The following HADHA variants were observed in gnomAD, a reference collection of about 807,000 sequenced individuals.
HADHA encodes trifunctional enzyme subunit alpha, mitochondrial.
Under a neutral mutation model 91.3 loss-of-function variants are expected in HADHA, and 59 were observed. The observed-to-expected ratio is 0.65, with a 90% CI of 0.52 to 0.80. The LOEUF is 0.80. Among genes scored for constraint, HADHA ranks in the 30% least tolerant of loss-of-function variants. The pLI is 0.00. For synonymous variants in HADHA, 320 were observed against 338.9 expected, an observed-to-expected ratio of 0.94 and a Z score of 0.61; for missense variants, 800 against 927.6, an observed-to-expected ratio of 0.86 and a Z score of 1.79.
At chr2:26,241,491 CA>C (rs912583528) in intron 1 of HADHA, among the ~76,000 whole-genome samples, 3 of 142,716 alleles carry the variant, frequency 2.1e-5, no homozygotes, top group African/African-American at 2.6e-5. Flanking sequence ...AAAAAAAAAA[CA>C]AAAAAAAAGT....
intron 15 of HADHA, 80 bp from the exon 16 acceptor site, chr2:26,194,718 TTCAAAG>T (rs1006739849): frequency 3.0e-5 from 27 of 902,594 alleles, no homozygotes; most frequent in Admixed American, 2.3e-4. Flanking sequence ...CCAGGGTCAC[TTCAAAG>T]TCATTTGAAA....
Position 26,201,226 on chromosome 2 carries a change from C to T in HADHA, c.1315G>A (p.Glu439Lys). The part of the protein sequence containing the change: ...LTGQLDYQGF[E>K]KADMVIEAVF... ...GCTTCAATCACCATGTCGGCCTTTT[C>T]AAAACCTTGGTAATCAAGCTGCCCA... is the stretch of plus-strand genomic sequence containing the variant. Residue 439 changes from glutamate to lysine, a missense_variant, in exon 13 of 20, where the codon GAA becomes AAA. By Grantham distance (56) the Glu-to-Lys change is moderately conservative (BLOSUM62 1). Coordinates refer to ENST00000380649, the MANE Select transcript of HADHA (RefSeq NM_000182.5). 1 of 1,613,666 alleles carries T rather than the reference C, an allele frequency of 6.2e-7. No individual in the cohort carries two copies. Among genetic ancestry groups the T allele is most frequent in the Non-Finnish European group, 8.5e-7 (1 of 1,179,568 alleles).
Position 26,230,340 on chromosome 2 carries a change from G to A in HADHA, c.574-46C>T, listed in dbSNP as rs1001307635. On this transcript the variant is annotated intron_variant, in intron 6 of 19. Coordinates refer to ENST00000380649, the MANE Select transcript of HADHA (RefSeq NM_000182.5). ...AGAATATAGGGGGAAAAAAATCAGG[G>A]TGATAATTATATAGTTTACAAATCA... is the stretch of plus-strand genomic sequence containing the variant. 6.5e-6 allele frequency: 7 copies of A among 1,081,966 alleles called. No homozygotes were observed. The East Asian group carries it at 1.7e-4, about 26-fold the overall frequency. 67.0% of individuals were successfully genotyped at this position (1,081,966 alleles called of 1,614,324 possible). A position where few individuals can be genotyped will look rare whatever the true frequency, so the allele number is the denominator to read the frequency against.
At chr2:26,238,740 C>T (rs1373049206) in intron 3 of HADHA, among the ~76,000 whole-genome samples, 194 bp downstream of exon 3, 7 of 152,206 alleles carry the variant, frequency 4.6e-5, no homozygotes, top group South Asian at 4.1e-4. Flanking sequence ...GGAATTCTTA[C>T]GCAAGAACCT....
At chr2:26,234,574 G>A (rs530005833) in intron 4 of HADHA, among the ~76,000 whole-genome samples, 5 of 152,072 alleles carry the variant, frequency 3.3e-5, no homozygotes, top group South Asian at 2.1e-4. Flanking sequence ...AGACCATCCC[G>A]GCTAACACGG....
At position 26,190,939 on chromosome 2, in the gene HADHA, C is replaced by T; in HGVS notation, c.*311G>A. Reference sequence around the variant, plus strand: ...GCAGAACTGCCCTCACCACCCCTGGCCACCCTGGCCTCTTGGGAGGAACAG... The same window carrying T: ...GCAGAACTGCCCTCACCACCCCTGGTCACCCTGGCCTCTTGGGAGGAACAG... On this transcript the variant is annotated 3_prime_UTR_variant, in exon 20 of 20. Coordinates refer to ENST00000380649, the MANE Select transcript of HADHA (RefSeq NM_000182.5). The T allele has an allele frequency of 2.0e-6, 1 of 501,806 alleles. No individual in the cohort carries two copies. Among genetic ancestry groups the T allele is most frequent in the African/African-American group, 1.9e-5 (1 of 52,008 alleles). 31.1% of individuals were successfully genotyped at this position (501,806 alleles called of 1,614,324 possible).
In HADHA at chr2:26,215,098, C is replaced by T. The variant is rs757537032; in HGVS notation, c.754G>A (p.Ala252Thr). 9.3e-6 allele frequency: 15 copies of T among 1,608,824 alleles called. No individual in the cohort carries two copies. Among genetic ancestry groups the T allele is most frequent in the Non-Finnish European group, 1.1e-5 (13 of 1,175,304 alleles). The change falls in exon 8 of 20, where the codon GCT (alanine) becomes ACT (threonine). Residue 252 changes from alanine to threonine, a missense_variant. By Grantham distance (58) the Ala-to-Thr change is moderately conservative. Transcript: ENST00000380649. ...EVAITFAKGL[A>T]DKKISPKRDK... Reference sequence around the variant, plus strand: ...CTCTTTGGAGAGATCTTCTTATCAGCTAGTCCTTTGGCAAAAGTAATTGCA... The same window carrying T: ...CTCTTTGGAGAGATCTTCTTATCAGTTAGTCCTTTGGCAAAAGTAATTGCA...
intron 7 of HADHA, among the ~76,000 whole-genome samples, chr2:26,220,462 C>T (rs948830765): frequency 9.9e-5 from 15 of 152,178 alleles, no homozygotes; most frequent in Admixed American, 2.0e-4. Context: ...GGACTGAAAG[C>T]GGTAGGGGTG....
intron 16 of HADHA, 89 bp downstream of exon 16, chr2:26,194,481 G>C (rs1669604961): frequency 1.2e-6 from 1 of 855,386 alleles, no homozygotes; most frequent in Admixed American, 1.8e-5. Context: ...TGTATCAGAA[G>C]GAAGCTTGGT....
In HADHA at chr2:26,214,346, A is replaced by G; in HGVS notation, c.918+97T>C. ...CTTTAATAGCAGAATTAAGAAATTTAGTACTCAACATACATGGTCCAGAAT... is the reference window on the plus strand; with the variant it reads ...CTTTAATAGCAGAATTAAGAAATTTGGTACTCAACATACATGGTCCAGAAT... On this transcript the variant is annotated intron_variant, in intron 9 of 19. Transcript: ENST00000380649. This position sits in a 1 kb window ranked among gnomAD's most constrained non-coding sequence, Gnocchi z 4.1. The G allele has an allele frequency of 1.3e-6, 1 of 781,424 alleles. No homozygotes were observed. Among genetic ancestry groups the G allele is most frequent in the South Asian group, 1.4e-5 (1 of 72,590 alleles). The allele number at this position is 781,424 out of a possible 1,614,324, so 48.4% of individuals were successfully genotyped here.
intron 7 of HADHA, among the ~76,000 whole-genome samples, chr2:26,226,871 A>T (rs143713734): frequency 3.9e-5 from 6 of 152,364 alleles, no homozygotes; most frequent in African/African-American, 1.4e-4. Context: ...GAAAGTATAC[A>T]GGAAAACTTA....
In HADHA at chr2:26,193,608, C is replaced by G. The variant is rs201393639; in HGVS notation, c.1854G>C (p.Leu618=). 20 of 1,614,000 alleles carry G rather than the reference C, an allele frequency of 1.2e-5. No homozygotes were observed. In the East Asian group the frequency reaches 4.0e-4, roughly 32 times the overall value. The change falls in exon 17 of 20, where the codon CTG becomes CTC. Residue 618 remains leucine, a synonymous_variant. Coordinates refer to ENST00000380649, the MANE Select transcript of HADHA (RefSeq NM_000182.5). ...GERFGGGNPE[L]LTQMVSKGFL... Reference sequence around the variant, plus strand: ...AGCCCTTGGACACCATCTGTGTCAGCAGTTCTGGGTTTCCACCTCCAAACC... The same window carrying G: ...AGCCCTTGGACACCATCTGTGTCAGGAGTTCTGGGTTTCCACCTCCAAACC...
chr2:26,191,377 T>C lies in HADHA; in HGVS notation c.2165A>G (p.Asp722Gly). Reference sequence around the variant, plus strand: ...CACTATCTTCTGGGCGCCATACAGATCCACAAAGCGGAAAGGCCCTGAATA... The same window carrying C: ...CACTATCTTCTGGGCGCCATACAGACCCACAAAGCGGAAAGGCCCTGAATA... ...PCLGGPFRFV[D>G]LYGAQKIVDR... The change falls in exon 20 of 20, where the codon GAT becomes GGT. Residue 722 changes from aspartate to glycine, a missense_variant. Asp to Gly is a moderately conservative substitution (Grantham distance 94). Transcript: ENST00000380649. 1 of 1,614,118 alleles carries C rather than the reference T, an allele frequency of 6.2e-7. No individual in the cohort carries two copies. Among genetic ancestry groups the C allele is most frequent in the South Asian group, 1.1e-5 (1 of 91,080 alleles).
rs1180027082 is a variant in HADHA, at chr2:26,198,117, A to G, written c.1393-340T>C. 2.0e-5 allele frequency among the ~76,000 whole-genome samples: 3 copies of G among 152,132 alleles called. No homozygotes were observed. In the East Asian group the frequency reaches 5.8e-4, roughly 29 times the overall value. On this transcript the variant is annotated intron_variant, in intron 13 of 19. Transcript: ENST00000380649. Reference sequence around the variant, plus strand: ...CCTTGAATTGCAATTCATTGATTTCAACACCCAGCATGGGTGTCACCTCCT... The same window carrying G: ...CCTTGAATTGCAATTCATTGATTTCGACACCCAGCATGGGTGTCACCTCCT...
At chr2:26,206,534 T>A (rs1039073709) in intron 11 of HADHA, among the ~76,000 whole-genome samples, 1 of 152,174 alleles carries the variant, frequency 6.6e-6, no homozygotes, top group Non-Finnish European at 1.5e-5. Context: ...TGGCCAAAAA[T>A]TTTAAAGTAT....
At position 26,191,313 on chromosome 2, in the gene HADHA, C is replaced by CTGTT. The variant is rs868816467; in HGVS notation, c.2225_2228dup (p.Phe744ThrfsTer10). 6.2e-6 allele frequency: 10 copies of CTGTT among 1,613,728 alleles called. No individual in the cohort carries two copies. In the African/African-American group the frequency reaches 6.7e-5, roughly 11 times the overall value. Reference sequence around the variant, plus strand: ...CAGCTAGCAGCTGGCATGGGGTGAACTGTTTTCCATAGGCAGCTTCATATT... The same window carrying CTGTT: ...CAGCTAGCAGCTGGCATGGGGTGAACTGTTTGTTTTCCATAGGCAGCTTCATATT... On this transcript the variant is annotated frameshift_variant, in exon 20 of 20. Coordinates refer to ENST00000380649, the MANE Select transcript of HADHA (RefSeq NM_000182.5). LOFTEE classifies it high-confidence loss of function.
chr2:26,200,104 T>G (rs1669791623), intron 13 of HADHA, among the ~76,000 whole-genome samples: 1 of 152,234 alleles, frequency 6.6e-6, no homozygotes, highest in Admixed American at 6.5e-5. Context: ...GGAATGGGTT[T>G]TGTTAGCTCT....
At chr2:26,205,962 G>T (rs1166550037) in intron 11 of HADHA, among the ~76,000 whole-genome samples, 1 of 152,014 alleles carries the variant, frequency 6.6e-6, no homozygotes, top group African/African-American at 2.4e-5. Flanking sequence ...ATGGGCAAGG[G>T]ATATAAAGCA....
At chr2:26,207,344 G>T (rs1479434160) in intron 11 of HADHA, among the ~76,000 whole-genome samples, 1 of 148,690 alleles carries the variant, frequency 6.7e-6, no homozygotes, top group Non-Finnish European at 1.5e-5. Flanking sequence ...TTTGGTGGGA[G>T]GGCATTTGCT....
Sources: allele counts gnomAD v4.1 joint callset (sites outside exome capture counted in the v4.1 genomes callset), GRCh38; gene constraint gnomAD v4.1.1; non-coding constraint Gnocchi (gnomAD v3.1); transcripts MANE v1.5; gene names NCBI Gene and HGNC (gene_info 2026-07-23, HGNC 2026-07-21).